Variants in BCAT1 observed in about 807,000 individuals in gnomAD.
BCAT1 encodes the protein branched-chain-amino-acid aminotransferase, cytosolic.
BCAT1 carries 48 observed loss-of-function variants against 52.4 expected under a neutral mutation model. The ratio of observed to expected loss-of-function variants is 0.92; its 90% CI spans 0.73 to 1.16. BCAT1 has a LOEUF of 1.16. Ranked by LOEUF, BCAT1 falls within the 50% of genes most tolerant of loss-of-function variation. The probability of loss-of-function intolerance (pLI) is 0.00; values close to 1 mark genes in which losing one functional copy is unlikely to be tolerated. For synonymous variants in BCAT1, 167 were observed against 161.3 expected (o/e 1.04, Z -0.27); for missense variants, 451 against 457.1 (o/e 0.99, Z 0.12).
At chr12:24,826,825 A>G (rs2139352796) in intron 10 of BCAT1, among the ~76,000 whole-genome samples, 1 of 152,234 alleles carries the variant, frequency 6.6e-6, no homozygotes, top group Non-Finnish European at 1.5e-5. Context: ...TCATAGTTTT[A>G]TACTTTTCCT....
At position 24,811,051 on chromosome 12, in the gene BCAT1, C is replaced by T. The variant is rs976763439; in HGVS notation, c.*6957G>A. 6.6e-6 allele frequency: 1 copy of T among 152,174 alleles called. No individual in the cohort carries two copies. The highest frequency in any genetic ancestry group is 2.4e-5 in the African/African-American group (1 of 41,444). 9.4% of individuals were successfully genotyped at this position (152,174 alleles called of 1,614,324 possible). ...ATGGGAAGAGGTAATCTACTCCCCC[C>T]ATTCTGTGCAAATCTCAAACGACAA... On this transcript the variant is annotated 3_prime_UTR_variant, in exon 11 of 11. Coordinates refer to ENST00000261192, the MANE Select transcript of BCAT1 (RefSeq NM_005504.7).
intron 1 of BCAT1, among the ~76,000 whole-genome samples, chr12:24,911,270 T>C (rs1232925570): frequency 2.0e-5 from 3 of 152,226 alleles, no homozygotes; most frequent in Non-Finnish European, 2.9e-5. Context: ...ATGTCCCTTT[T>C]GCAAAGATTA....
At chr12:24,879,329 G>A (rs1322619452) in intron 4 of BCAT1, among the ~76,000 whole-genome samples, 1 of 152,094 alleles carries the variant, frequency 6.6e-6, no homozygotes, top group Non-Finnish European at 1.5e-5. Context: ...TGAAGAGATA[G>A]ATAACCCAAT....
rs764456907 is a variant in BCAT1, at chr12:24,898,201, G to C, written c.78+3613C>G. On this transcript the variant is annotated intron_variant, in intron 2 of 10. Coordinates refer to ENST00000261192, the MANE Select transcript of BCAT1 (RefSeq NM_005504.7). ...TCTTTTTCTAGATTTCCTTTCCAAA[G>C]ATAAATAAAAATAATATTTTGTCAA... is the stretch of plus-strand genomic sequence containing the variant. 9.2e-5 allele frequency among the ~76,000 whole-genome samples: 14 copies of C among 152,036 alleles called. 1 individual carries two copies. The highest frequency in any genetic ancestry group is 2.1e-4 in the Non-Finnish European group (14 of 68,012).
chr12:24,847,161 G>C (rs964995747), intron 6 of BCAT1, among the ~76,000 whole-genome samples: 1 of 152,198 alleles, frequency 6.6e-6, no homozygotes, highest in Admixed American at 6.5e-5. Flanking sequence ...GAGCAGTTAA[G>C]TAACATGCCC....
chr12:24,861,213 CT>C (rs1210840197), intron 5 of BCAT1, among the ~76,000 whole-genome samples: 1 of 152,164 alleles, frequency 6.6e-6, no homozygotes, highest in Non-Finnish European at 1.5e-5. Flanking sequence ...TCTCTAGCTG[CT>C]GCTCAGAAGA....
intron 5 of BCAT1, among the ~76,000 whole-genome samples, chr12:24,859,822 C>T (rs1391799623): frequency 6.6e-6 from 1 of 151,910 alleles, no homozygotes; most frequent in Admixed American, 6.6e-5. Context: ...TATGAGGTCC[C>T]CTTAAGTCCA....
Position 24,894,273 on chromosome 12 carries a change from A to ACTTC in BCAT1, c.277_279+1dup, listed in dbSNP as rs1287801459. 2 of 1,613,482 alleles carry ACTTC rather than the reference A, an allele frequency of 1.2e-6. No individual in the cohort carries two copies. The highest frequency in any genetic ancestry group is 1.7e-6 in the Non-Finnish European group (2 of 1,179,596). ...CACTCTCTTTAATTCCCATGTACTT[A>ACTTC]CTTCCACTGCATAGTGCAAAGCTGA... On this transcript the variant is annotated splice_donor_variant, in intron 3 of 10. Coordinates refer to ENST00000261192, the MANE Select transcript of BCAT1 (RefSeq NM_005504.7). LOFTEE classifies it high-confidence loss of function.
rs1015014932 is a variant in BCAT1, at chr12:24,812,567, T to C, written c.*5441A>G. 2.6e-5 allele frequency: 4 copies of C among 152,074 alleles called. No homozygotes were observed. The highest frequency in any genetic ancestry group is 9.6e-5 in the African/African-American group (4 of 41,452). The allele number at this position is 152,074 out of a possible 1,614,324, so 9.4% of individuals were successfully genotyped here. ...CTGATGAAGTGTTTGCTATATTTAG[T>C]CACTACCTAGTAGCATTATTTGTAT... On this transcript the variant is annotated 3_prime_UTR_variant, in exon 11 of 11. Coordinates refer to ENST00000261192, the MANE Select transcript of BCAT1 (RefSeq NM_005504.7).
intron 10 of BCAT1, among the ~76,000 whole-genome samples, chr12:24,826,498 G>A (rs1591776197): frequency 1.3e-5 from 2 of 152,226 alleles, no homozygotes; most frequent in Admixed American, 6.5e-5. Flanking sequence ...GGTCTACTAT[G>A]TCTGTTTTTA....
intron 10 of BCAT1, among the ~76,000 whole-genome samples, chr12:24,829,171 G>T (rs1009732747): frequency 6.6e-6 from 1 of 151,912 alleles, no homozygotes; most frequent in Non-Finnish European, 1.5e-5. Flanking sequence ...ATTACCTTAG[G>T]TCAGGAGTTC....
intron 8 of BCAT1, 145 bp from the exon 9 acceptor site, chr12:24,833,008 C>T (rs1940751289): frequency 3.6e-6 from 3 of 842,470 alleles, no homozygotes; most frequent in Admixed American, 5.7e-5. Context: ...AAGTGGCACA[C>T]CATCTTACTG....
intron 7 of BCAT1, 74 bp downstream of exon 7, chr12:24,842,008 G>A (rs1941190265): frequency 6.5e-7 from 1 of 1,538,816 alleles, no homozygotes; most frequent in Admixed American, 1.8e-5. Flanking sequence ...CTTGTACTAA[G>A]TTTCTAGCTC....
chr12:24,902,958 G>C (rs1223697323), intron 1 of BCAT1: 2 of 1,504,636 alleles, frequency 1.3e-6, no homozygotes, highest in Non-Finnish European at 1.8e-6. Context: ...TGGCGGGCAA[G>C]GGCCGCAGCG....
At chr12:24,849,997 C>G in intron 5 of BCAT1, 48 bp from the exon 6 acceptor site, 1 of 1,502,570 alleles carries the variant, frequency 6.7e-7, no homozygotes, top group Non-Finnish European at 9.0e-7. Flanking sequence ...AATGTGGACA[C>G]CAGTCTTAAA....
chr12:24,944,925 G>C (rs1216158164), intron 1 of BCAT1, among the ~76,000 whole-genome samples: 1 of 151,912 alleles, frequency 6.6e-6, no homozygotes, highest in African/African-American at 2.4e-5. Context: ...TTCTTTTAGA[G>C]TTTGTTTTTC....
chr12:24,901,967 A>C, intron 1 of BCAT1, 82 bp from the exon 2 acceptor site: 2 of 1,611,018 alleles, frequency 1.2e-6, no homozygotes, highest in South Asian at 2.2e-5. Context: ...GCTCACCATG[A>C]TACCGTGCGC....
intron 1 of BCAT1, among the ~76,000 whole-genome samples, chr12:24,933,571 C>T (rs1943710403): frequency 6.6e-6 from 1 of 152,062 alleles, no homozygotes; most frequent in Middle Eastern, 3.2e-3. Flanking sequence ...CCCCTCACGC[C>T]AGGGGAGGAA....
At chr12:24,931,635 C>T (rs1294699407) in intron 1 of BCAT1, among the ~76,000 whole-genome samples, 1 of 152,142 alleles carries the variant, frequency 6.6e-6, no homozygotes, top group Non-Finnish European at 1.5e-5. Context: ...AAGCAATTCC[C>T]TTAAAATTCT....
Sources: gnomAD v4.1 joint callset for allele counts (sites outside exome capture counted in the v4.1 genomes callset) on GRCh38, gnomAD v4.1.1 for gene constraint, MANE v1.5 for transcripts, NCBI Gene and HGNC (gene_info 2026-07-23, HGNC 2026-07-21) for gene names.